The following SLC9A9 variants were observed in gnomAD, a reference collection of about 807,000 sequenced individuals.
SLC9A9 encodes the protein solute carrier family 9 member A9.
Under a neutral mutation model 77.8 loss-of-function variants are expected in SLC9A9, and 62 were observed. That is an observed-to-expected ratio of 0.80 (90% confidence interval 0.65 to 0.98). The LOEUF is 0.98. Ranked by LOEUF, SLC9A9 falls within the 50% of genes least tolerant of loss-of-function variation. SLC9A9 has a pLI of 0.00. For synonymous variants in SLC9A9, 320 were observed against 283.5 expected (o/e 1.13, Z -1.29); for missense variants, 775 against 774.9 (o/e 1.00, Z 0.00).
At chr3:143,426,530 G>T (rs1209557358) in intron 12 of SLC9A9, among the ~76,000 whole-genome samples, 2 of 151,954 alleles carry the variant, frequency 1.3e-5, no homozygotes, top group African/African-American at 4.8e-5. Flanking sequence ...TAGCCTTTTT[G>T]TCCTCCCTTT....
chr3:143,431,537 C>G (rs538778768), intron 12 of SLC9A9, among the ~76,000 whole-genome samples: 81 of 147,298 alleles, frequency 5.5e-4, no homozygotes, highest in African/African-American at 1.9e-3. Flanking sequence ...GGCTGGAGTA[C>G]AGTGGTGCAA....
chr3:143,505,152 G>T (rs939624688), intron 9 of SLC9A9, among the ~76,000 whole-genome samples: 7 of 151,872 alleles, frequency 4.6e-5, no homozygotes, highest in Admixed American at 2.0e-4. Context: ...TGAGGCGGGG[G>T]ATACTTATCC....
At chr3:143,705,011 CTATCT>C (rs1560040876) in intron 4 of SLC9A9, among the ~76,000 whole-genome samples, 1 of 30,228 alleles carries the variant, frequency 3.3e-5, no homozygotes, top group Admixed American at 2.9e-4. Context: ...ATCTATCTAT[CTATCT>C]ATCTATCTAT....
At chr3:143,791,201 T>C (rs2108855005) in intron 4 of SLC9A9, among the ~76,000 whole-genome samples, 1 of 152,346 alleles carries the variant, frequency 6.6e-6, no homozygotes. Flanking sequence ...GTGAATTCTT[T>C]CCGAGCAATC....
At chr3:143,629,023 T>G (rs185894337) in intron 6 of SLC9A9, among the ~76,000 whole-genome samples, 4 of 152,320 alleles carry the variant, frequency 2.6e-5, no homozygotes, top group South Asian at 2.1e-4. Context: ...TTAGTCTTTT[T>G]GGGGTAAATT....
At chr3:143,504,046 A>G (rs186743018) in intron 9 of SLC9A9, 225 of 493,282 alleles carry the variant, frequency 4.6e-4, no homozygotes, top group African/African-American at 3.9e-3. Context: ...CTCCTGGAAG[A>G]TGGTTATGGG....
chr3:143,680,087 C>T (rs1933036129), intron 5 of SLC9A9, among the ~76,000 whole-genome samples: 1 of 151,546 alleles, frequency 6.6e-6, no homozygotes, highest in South Asian at 2.1e-4. Context: ...AGAGGTGCAA[C>T]ATATAGATAA....
chr3:143,446,358 T>C (rs1347340221), intron 12 of SLC9A9, among the ~76,000 whole-genome samples: 1 of 152,078 alleles, frequency 6.6e-6, no homozygotes, highest in African/African-American at 2.4e-5. Flanking sequence ...GTTTCTATTC[T>C]CTTACGAATT....
At position 143,832,030 on chromosome 3, in the gene SLC9A9, T is replaced by C. The variant is rs768005440; in HGVS notation, c.367A>G (p.Ile123Val). The change falls in exon 2 of 16, where the codon ATA becomes GTA. Residue 123 changes from isoleucine (I) to valine (V), a missense_variant. Coordinates refer to ENST00000316549, the MANE Select transcript of SLC9A9 (RefSeq NM_173653.4). ...GACAGGATCCTTACCTTTTCAAGTA[T>C]AGCATTTCCTTGATGAGGATTGATG... is the stretch of plus-strand genomic sequence containing the variant. Reference protein sequence around the residue: ...HNINPHQGNAILEKMTFDPEI... With the variant: ...HNINPHQGNAVLEKMTFDPEI... The C allele has an allele frequency of 6.2e-7, 1 of 1,611,492 alleles. No individual in the cohort carries two copies. Among genetic ancestry groups the C allele is most frequent in the Non-Finnish European group, 8.5e-7 (1 of 1,178,344 alleles).
chr3:143,586,687 A>G (rs1333736849), intron 6 of SLC9A9, among the ~76,000 whole-genome samples: 4 of 152,254 alleles, frequency 2.6e-5, no homozygotes, highest in Non-Finnish European at 5.9e-5. Context: ...GTGTGTACAC[A>G]TCGGAATTCG....
intron 12 of SLC9A9, among the ~76,000 whole-genome samples, chr3:143,402,655 T>C (rs1395947948): frequency 6.6e-6 from 1 of 152,028 alleles, no homozygotes; most frequent in African/African-American, 2.4e-5. Flanking sequence ...ATTTGTCTGA[T>C]ATTAGTATAC....
intron 5 of SLC9A9, among the ~76,000 whole-genome samples, chr3:143,675,989 G>A (rs151290977): frequency 5.9e-5 from 9 of 152,202 alleles, no homozygotes; most frequent in Non-Finnish European, 1.0e-4. Flanking sequence ...CAGGTTTCTC[G>A]TGGGGGATGG....
At chr3:143,595,943 A>T (rs2037744746) in intron 6 of SLC9A9, among the ~76,000 whole-genome samples, 2 of 152,202 alleles carry the variant, frequency 1.3e-5, no homozygotes, top group African/African-American at 2.4e-5. Flanking sequence ...AAAAAAAATT[A>T]AAATAATCCC....
At chr3:143,622,738 A>C (rs2038242613) in intron 6 of SLC9A9, among the ~76,000 whole-genome samples, 1 of 152,222 alleles carries the variant, frequency 6.6e-6, no homozygotes, top group South Asian at 2.1e-4. Flanking sequence ...TAACATCACA[A>C]TGACAGGATC....
intron 6 of SLC9A9, among the ~76,000 whole-genome samples, chr3:143,611,796 C>A (rs543816995): frequency 6.6e-6 from 1 of 152,144 alleles, no homozygotes; most frequent in Non-Finnish European, 1.5e-5. Flanking sequence ...TGCAGTGATC[C>A]GATCATGGCT....
At chr3:143,805,274 C>T (rs943276117) in intron 2 of SLC9A9, among the ~76,000 whole-genome samples, 1 of 152,086 alleles carries the variant, frequency 6.6e-6, no homozygotes, top group East Asian at 1.9e-4. Context: ...AACAACCCCA[C>T]AATATCACCC....
chr3:143,733,681 G>A (rs1018000630), intron 4 of SLC9A9, among the ~76,000 whole-genome samples: 5 of 152,018 alleles, frequency 3.3e-5, no homozygotes, highest in African/African-American at 9.7e-5. Flanking sequence ...ACCCAAGAGG[G>A]CTTGCGGTAT....
intron 12 of SLC9A9, among the ~76,000 whole-genome samples, chr3:143,424,441 C>T (rs999764929): frequency 1.3e-5 from 2 of 151,900 alleles, no homozygotes; most frequent in African/African-American, 4.8e-5. Context: ...CCACACCCGG[C>T]TAATTTTTTG....
rs141632530 is a variant in SLC9A9, at chr3:143,266,879, T to C, written c.1761A>G (p.Leu587=). 81 of 1,614,060 alleles carry C rather than the reference T, an allele frequency of 5.0e-5. No homozygotes were observed. The highest frequency in any genetic ancestry group is 8.3e-5 in the Admixed American group (5 of 60,010). Residue 587 remains leucine (L), a synonymous_variant, in exon 16 of 16, where the codon CTA becomes CTG. Coordinates refer to ENST00000316549, the MANE Select transcript of SLC9A9 (RefSeq NM_173653.4). ...AGGCTTGCTCCTGGTAATTTATGGC[T>C]AGTTCATCCTGGTTTACAATGCATT... The part of the protein sequence containing the change: ...DVECIVNQDE[L]AINYQEQASS...
Sources: gnomAD v4.1 joint callset for allele counts (sites outside exome capture counted in the v4.1 genomes callset) on GRCh38, gnomAD v4.1.1 for gene constraint, MANE v1.5 for transcripts, NCBI Gene and HGNC (gene_info 2026-07-23, HGNC 2026-07-21) for gene names.